Variants in NFYC observed in about 807,000 individuals in gnomAD.
NFYC encodes nuclear transcription factor Y subunit gamma, also known as CAAT box DNA-binding protein subunit C.
Under a neutral mutation model 53.1 loss-of-function variants are expected in NFYC, and 25 were observed. That is an observed-to-expected ratio of 0.47 (90% CI 0.34 to 0.66). NFYC has a LOEUF of 0.66. NFYC is among the 30% of genes least tolerant of loss of function. The pLI is 0.01. For missense variants in NFYC, 260 were observed against 422.7 expected (o/e 0.62, Z 3.38); for synonymous variants, 145 against 152.6 (o/e 0.95, Z 0.37).
intron 1 of NFYC, among the ~76,000 whole-genome samples, chr1:40,721,025 G>A (rs1644309212): frequency 6.6e-6 from 1 of 151,974 alleles, no homozygotes; most frequent in African/African-American, 2.4e-5. Flanking sequence ...AAAAATAGGA[G>A]CATGAAAAAT....
intron 1 of NFYC, among the ~76,000 whole-genome samples, chr1:40,708,961 T>G (rs1381881194): frequency 6.6e-6 from 1 of 152,226 alleles, no homozygotes; most frequent in African/African-American, 2.4e-5. Flanking sequence ...ACCTTAAATT[T>G]TTTAAATGGA....
chr1:40,737,637 G>A (rs779367268), intron 1 of NFYC, among the ~76,000 whole-genome samples: 2 of 151,582 alleles, frequency 1.3e-5, no homozygotes, highest in African/African-American at 4.8e-5. Flanking sequence ...CCTCTCCTTC[G>A]TTTTTTTAAC....
In NFYC at chr1:40,725,913, C is replaced by T. The variant is rs577132953; in HGVS notation, c.-8-12923C>T. 2.0e-5 allele frequency among the ~76,000 whole-genome samples: 3 copies of T among 152,290 alleles called. No homozygotes were observed. The South Asian group carries it at 6.2e-4, about 32-fold the overall frequency. On this transcript the variant is annotated intron_variant, in intron 1 of 9. Transcript: ENST00000447388. The stretch of plus-strand genomic sequence containing the variant: ...GTGTAGCCTATTAAGTGTGCAACAG[C>T]ATAATGTCTAAAAAATGTGCTTATT...
chr1:40,767,856 A>G (rs1210667555), intron 8 of NFYC, among the ~76,000 whole-genome samples: 3 of 152,178 alleles, frequency 2.0e-5, no homozygotes, highest in Non-Finnish European at 2.9e-5. Flanking sequence ...CATGCCTGTC[A>G]TCCCAGCTAC....
chr1:40,739,252 C>A (rs1430827754), intron 2 of NFYC, among the ~76,000 whole-genome samples: 1 of 152,174 alleles, frequency 6.6e-6, no homozygotes, highest in African/African-American at 2.4e-5. Flanking sequence ...ATCTCATCTT[C>A]CTTCAGTAGC....
intron 1 of NFYC, among the ~76,000 whole-genome samples, chr1:40,705,913 T>A (rs1188315320): frequency 2.0e-5 from 3 of 152,082 alleles, no homozygotes; most frequent in Non-Finnish European, 4.4e-5. Context: ...ACCTAGCTAA[T>A]TTTTGTATTT....
chr1:40,745,690 A>G (rs1282824976), intron 2 of NFYC, among the ~76,000 whole-genome samples: 1 of 152,096 alleles, frequency 6.6e-6, no homozygotes, highest in African/African-American at 2.4e-5. Context: ...TTTGTGGAAC[A>G]TTTCCCAATC....
At chr1:40,697,263 G>A (rs1027385168) in intron 1 of NFYC, among the ~76,000 whole-genome samples, 9 of 152,162 alleles carry the variant, frequency 5.9e-5, no homozygotes, top group African/African-American at 1.2e-4. Flanking sequence ...CTTTCAGCCC[G>A]TTACAGCTTC....
chr1:40,735,448 T>C (rs529285480), intron 1 of NFYC: 148 of 245,574 alleles, frequency 6.0e-4, no homozygotes, highest in African/African-American at 3.1e-3. Context: ...GGGCTGATCA[T>C]GCCTGCACAT....
chr1:40,753,122 A>AT (rs773391466), intron 4 of NFYC, 29 bp from the exon 5 acceptor site: 1 of 1,568,644 alleles, frequency 6.4e-7, no homozygotes, highest in East Asian at 2.2e-5. Flanking sequence ...CCCCAGGCTA[A>AT]TTTTTCACAC....
At chr1:40,738,455 A>C (rs919594772) in intron 1 of NFYC, among the ~76,000 whole-genome samples, 1 of 152,214 alleles carries the variant, frequency 6.6e-6, no homozygotes, top group African/African-American at 2.4e-5. Context: ...GAACTTGAAA[A>C]AGCTTTGGAA....
At chr1:40,749,778 T>C (rs1645809498) in intron 4 of NFYC, 92 bp downstream of exon 4, 2 of 1,027,066 alleles carry the variant, frequency 1.9e-6, no homozygotes, top group Admixed American at 1.8e-5. Flanking sequence ...TGTTCTCCTT[T>C]AGGACCAAAG....
rs1043310461 is a variant in NFYC at position 40,759,545 on chromosome 1, A to G, written c.561+1251A>G. On this transcript the variant is annotated intron_variant, in intron 6 of 9. Coordinates refer to ENST00000447388, the MANE Select transcript of NFYC (RefSeq NM_014223.5). ...AGCAAGATCCTGTCTCAAAAAAAAA[A>G]CAAAAAAAAGTATATGTGTGTGTGT... Among the ~76,000 whole-genome samples, 4 of 133,192 alleles carry G rather than the reference A, an allele frequency of 3.0e-5. No homozygotes were observed. The South Asian group carries it at 1.1e-3, about 36-fold the overall frequency. The allele number at this position is 133,192 out of a possible 152,430, so 87.4% of individuals were successfully genotyped here.
chr1:40,738,194 G>C (rs1217992975), intron 1 of NFYC, among the ~76,000 whole-genome samples: 1 of 152,092 alleles, frequency 6.6e-6, no homozygotes, highest in Admixed American at 6.5e-5. Context: ...GAGCCACCGC[G>C]CCCGGCCCTC....
chr1:40,717,048 A>C (rs1644163205), intron 1 of NFYC, among the ~76,000 whole-genome samples: 1 of 152,184 alleles, frequency 6.6e-6, no homozygotes, highest in Non-Finnish European at 1.5e-5. Context: ...CCAGCCAGGC[A>C]GCTTGTACAT....
At chr1:40,745,128 T>C (rs1422419357) in intron 2 of NFYC, among the ~76,000 whole-genome samples, 1 of 152,258 alleles carries the variant, frequency 6.6e-6, no homozygotes, top group Admixed American at 6.5e-5. Context: ...AATGATCTCT[T>C]GATCCTTGAC....
At chr1:40,743,302 A>C (rs1435910687) in intron 2 of NFYC, among the ~76,000 whole-genome samples, 1 of 152,242 alleles carries the variant, frequency 6.6e-6, no homozygotes, top group African/African-American at 2.4e-5. Context: ...GTTAAAAACC[A>C]TATCAAGATG....
intron 1 of NFYC, chr1:40,735,089 A>G (rs6664044): frequency 0.22 from 32,701 of 151,846 alleles, 4,148 homozygotes; most frequent in South Asian, 0.41. Context: ...AGCTGGTTGA[A>G]CACTTAAGGT....
chr1:40,765,372 G>A (rs1394458308), intron 7 of NFYC, among the ~76,000 whole-genome samples: 3 of 152,324 alleles, frequency 2.0e-5, no homozygotes, highest in South Asian at 4.1e-4. Flanking sequence ...GAACTTGAGA[G>A]GTCGTTTTTT....
Sources: allele counts gnomAD v4.1 joint callset (sites outside exome capture counted in the v4.1 genomes callset), GRCh38; gene constraint gnomAD v4.1.1; transcripts MANE v1.5; gene names NCBI Gene and HGNC (gene_info 2026-07-23, HGNC 2026-07-21).